The following B3GALNT2 variants were observed in gnomAD, a reference collection of about 807,000 sequenced individuals.
B3GALNT2 encodes the protein beta-1,3-N-acetylgalactosaminyltransferase 2, also known as UDP-GalNAc:beta-1,3-N-acetylgalactosaminyltransferase 2.
B3GALNT2 carries 53 observed loss-of-function variants against 61.1 expected under a neutral mutation model. That is an observed-to-expected ratio of 0.87 (90% CI 0.70 to 1.09). The LOEUF (loss-of-function observed/expected upper bound fraction) is 1.09. Ranked by LOEUF, B3GALNT2 falls within the 50% of genes least tolerant of loss-of-function variation. The pLI is 0.00. For synonymous variants in B3GALNT2, 223 were observed against 237.4 expected (o/e 0.94, Z 0.56); for missense variants, 544 against 623.0 (o/e 0.87, Z 1.35).
intron 5 of B3GALNT2, among the ~76,000 whole-genome samples, chr1:235,471,819 C>T (rs375451029): frequency 1.6e-4 from 25 of 152,300 alleles, no homozygotes; most frequent in Admixed American, 1.4e-3. Context: ...CTCACTATCA[C>T]GCCCGGTTAA....
chr1:235,454,317 T>A lies in B3GALNT2; in HGVS notation c.1152-2A>T. The A allele has an allele frequency of 6.2e-7, 1 of 1,606,652 alleles. No homozygotes were observed. The highest frequency in any genetic ancestry group is 1.1e-5 in the South Asian group (1 of 90,110). ...TCAACTGCCCAATTCAGTCTGAAAC[T>A]GAGATGAAAAATAATGTGGCCTCTT... On this transcript the variant is annotated splice_acceptor_variant, in intron 9 of 11. Coordinates refer to ENST00000366600, the MANE Select transcript of B3GALNT2 (RefSeq NM_152490.5). LOFTEE classifies it high-confidence loss of function.
chr1:235,475,541 T>A (rs1179882486), intron 5 of B3GALNT2, among the ~76,000 whole-genome samples: 2 of 152,146 alleles, frequency 1.3e-5, no homozygotes, highest in African/African-American at 4.8e-5. Flanking sequence ...TACTCTTTGC[T>A]GATGATATGC....
intron 1 of B3GALNT2, among the ~76,000 whole-genome samples, chr1:235,503,618 A>C (rs1685684852): frequency 6.6e-6 from 1 of 152,246 alleles, no homozygotes; most frequent in Non-Finnish European, 1.5e-5. Context: ...CAAGAATACG[A>C]ACTACAGTAT....
chr1:235,446,779 C>T (rs1436592735), downstream of B3GALNT2, among the ~76,000 whole-genome samples: 1 of 150,630 alleles, frequency 6.6e-6, no homozygotes, highest in Admixed American at 6.6e-5. Flanking sequence ...CTCACTGTAG[C>T]CTTGACCTCC....
At position 235,448,278 on chromosome 1, in the gene B3GALNT2, C is replaced by CATCA; in HGVS notation, c.*1924_*1927dup. 1 of 1,089,702 alleles carries CATCA rather than the reference C, an allele frequency of 9.2e-7. No homozygotes were observed. The highest frequency in any genetic ancestry group is 1.7e-5 in the Admixed American group (1 of 58,416). The allele number at this position is 1,089,702 out of a possible 1,614,324, so 67.5% of individuals were successfully genotyped here. A position where few individuals can be genotyped will look rare whatever the true frequency, so the allele number is the denominator to read the frequency against. ...TATCATTGCAATGATACTGTGGTCT[C>CATCA]ATCACATGAGCTAGTTTTACAGGTA... On this transcript the variant is annotated 3_prime_UTR_variant, in exon 12 of 12. Transcript: ENST00000366600.
intron 4 of B3GALNT2, among the ~76,000 whole-genome samples, chr1:235,483,127 A>C (rs1261522557): frequency 3.3e-5 from 5 of 152,204 alleles, no homozygotes; most frequent in Non-Finnish European, 7.3e-5. Flanking sequence ...AATCTAAAAT[A>C]AAAAATTCAT....
At position 235,470,837 on chromosome 1, in the gene B3GALNT2, A is replaced by G; in HGVS notation, c.762+13T>C. On this transcript the variant is annotated intron_variant, in intron 6 of 11. Coordinates refer to ENST00000366600, the MANE Select transcript of B3GALNT2 (RefSeq NM_152490.5). ...TAAAATATGCAATTAAACCTTAAAA[A>G]AAAACGACTTACTGTAATGACTCTG... 1.2e-6 allele frequency: 2 copies of G among 1,609,508 alleles called. No homozygotes were observed. Among genetic ancestry groups the G allele is most frequent in the Non-Finnish European group, 1.7e-6 (2 of 1,178,770 alleles).
chr1:235,466,941 C>T (rs1683722616), intron 6 of B3GALNT2, among the ~76,000 whole-genome samples: 1 of 152,162 alleles, frequency 6.6e-6, no homozygotes, highest in Non-Finnish European at 1.5e-5. Context: ...AAGAGAGCTA[C>T]TGCTTGGCTA....
chr1:235,448,079 G>T lies in B3GALNT2; in HGVS notation c.*2127C>A, dbSNP rs530638476. ...CAAAAGTTAGCTGGGTGTGGTGATG[G>T]GCACCAGCTACTCAGGAGGCTGAGG... On this transcript the variant is annotated 3_prime_UTR_variant, in exon 12 of 12. Transcript: ENST00000366600. 6.6e-6 allele frequency among the ~76,000 whole-genome samples: 1 copy of T among 151,932 alleles called. No homozygotes were observed.
chr1:235,479,984 C>T, intron 5 of B3GALNT2, 70 bp downstream of exon 5: 21 of 1,579,702 alleles, frequency 1.3e-5, no homozygotes, highest in Non-Finnish European at 1.8e-5. Context: ...AAGTGCCTGC[C>T]CCTGAAAGCA....
At chr1:235,487,905 C>G (rs1271404987) in intron 3 of B3GALNT2, among the ~76,000 whole-genome samples, 1 of 152,096 alleles carries the variant, frequency 6.6e-6, no homozygotes, top group Non-Finnish European at 1.5e-5. Flanking sequence ...CCTCCTACCT[C>G]AGCCTCCCAA....
At chr1:235,455,748 G>A (rs553024859) in intron 8 of B3GALNT2, 64 bp from the exon 9 acceptor site, 97 of 1,496,578 alleles carry the variant, frequency 6.5e-5, no homozygotes, top group East Asian at 2.1e-4. Context: ...ATGCAGTGGC[G>A]TCACTAACAC....
At chr1:235,498,808 C>T (rs1242792948) in intron 1 of B3GALNT2, among the ~76,000 whole-genome samples, 2 of 138,056 alleles carry the variant, frequency 1.4e-5, no homozygotes, top group African/African-American at 5.3e-5. Context: ...CCCGCCACTG[C>T]TCTCCAGTCT....
chr1:235,489,039 G>A, intron 3 of B3GALNT2, 129 bp downstream of exon 3: 1 of 1,246,156 alleles, frequency 8.0e-7, no homozygotes. Context: ...GACAGAGCAA[G>A]ACCCTGTCTC....
rs1195436168 is a variant in B3GALNT2 at position 235,447,282 on chromosome 1, AT to A, written c.*2923del. Among the ~76,000 whole-genome samples the A allele has an allele frequency of 2.0e-5, 3 of 152,222 alleles. No homozygotes were observed. Among genetic ancestry groups the A allele is most frequent in the Non-Finnish European group, 2.9e-5 (2 of 68,026 alleles). On this transcript the variant is annotated 3_prime_UTR_variant, in exon 12 of 12. Coordinates refer to ENST00000366600, the MANE Select transcript of B3GALNT2 (RefSeq NM_152490.5). ...AAAACACACAGCTTTTACAAAAATGATTTTTGATAGAAAAATATGTTTGAAT... is the reference window on the plus strand; with the variant it reads ...AAAACACACAGCTTTTACAAAAATGATTTTGATAGAAAAATATGTTTGAAT...
At chr1:235,499,845 C>T (rs1685505878) in intron 1 of B3GALNT2, among the ~76,000 whole-genome samples, 3 of 152,126 alleles carry the variant, frequency 2.0e-5, no homozygotes, top group African/African-American at 4.8e-5. Context: ...TGGGATAGGA[C>T]CCTCTCTGGT....
chr1:235,487,021 C>T (rs535155964), intron 3 of B3GALNT2, among the ~76,000 whole-genome samples: 7 of 152,112 alleles, frequency 4.6e-5, no homozygotes, highest in Admixed American at 2.0e-4. Context: ...ATAAGTCAGG[C>T]GTGGTGGCGG....
At chr1:235,479,924 G>T (rs1002690241) in intron 5 of B3GALNT2, 130 bp downstream of exon 5, 1 of 1,425,272 alleles carries the variant, frequency 7.0e-7, no homozygotes, top group African/African-American at 1.4e-5. Context: ...ATCCACAGTT[G>T]GTACCTTCAT....
downstream of B3GALNT2, among the ~76,000 whole-genome samples, chr1:235,443,195 TACAC>T (rs61396968): frequency 6.7e-6 from 1 of 149,522 alleles, no homozygotes; most frequent in African/African-American, 2.5e-5. Context: ...CATATATATA[TACAC>T]ACACACACAC....
Sources: gnomAD v4.1 joint callset for allele counts (sites outside exome capture counted in the v4.1 genomes callset) on GRCh38, gnomAD v4.1.1 for gene constraint, MANE v1.5 for transcripts, NCBI Gene and HGNC (gene_info 2026-07-23, HGNC 2026-07-21) for gene names.